The following GEMIN5 variants were observed in gnomAD, a reference collection of about 807,000 sequenced individuals.
GEMIN5 encodes the protein gem-associated protein 5.
Under a neutral mutation model 176.9 loss-of-function variants are expected in GEMIN5, and 124 were observed. The ratio of observed to expected loss-of-function variants is 0.70; its 90% CI spans 0.61 to 0.81. The LOEUF is 0.81. GEMIN5 is among the 40% of genes least tolerant of loss of function. GEMIN5 has a pLI of 0.00. For synonymous variants in GEMIN5, 673 were observed against 665.2 expected (o/e 1.01, Z -0.18); for missense variants, 1,843 against 1,814.6 (o/e 1.02, Z -0.28).
intron 20 of GEMIN5, 132 bp from the exon 21 acceptor site, chr5:154,901,618 G>T: frequency 1.5e-6 from 1 of 687,552 alleles, no homozygotes; most frequent in Non-Finnish European, 2.5e-6. Flanking sequence ...CAATTCAGCT[G>T]CCATTATGGA....
intron 15 of GEMIN5, among the ~76,000 whole-genome samples, chr5:154,910,750 G>A (rs1176455170): frequency 1.3e-5 from 2 of 152,210 alleles, no homozygotes; most frequent in African/African-American, 4.8e-5. Context: ...CCAGGCTGGA[G>A]TACAGTGGCG....
At chr5:154,928,860 C>G (rs532844742) in intron 5 of GEMIN5, among the ~76,000 whole-genome samples, 1 of 152,126 alleles carries the variant, frequency 6.6e-6, no homozygotes, top group Non-Finnish European at 1.5e-5. Flanking sequence ...CTGGTTAATA[C>G]TAGTCTAGCT....
At chr5:154,909,651 T>G (rs1280293031) in intron 15 of GEMIN5, among the ~76,000 whole-genome samples, 1 of 152,106 alleles carries the variant, frequency 6.6e-6, no homozygotes, top group Non-Finnish European at 1.5e-5. Flanking sequence ...AATCACTAAT[T>G]TGCTCTCACT....
At chr5:154,895,194 T>A (rs1252827374) in intron 24 of GEMIN5, among the ~76,000 whole-genome samples, 2 of 151,924 alleles carry the variant, frequency 1.3e-5, no homozygotes, top group Non-Finnish European at 2.9e-5. Flanking sequence ...TAATGTTCCC[T>A]CATTTTGAAA....
In GEMIN5 at chr5:154,917,158, A is replaced by G; in HGVS notation, c.1695T>C (p.Ile565=). The G allele has an allele frequency of 6.7e-7, 1 of 1,499,002 alleles. No homozygotes were observed. The highest frequency in any genetic ancestry group is 2.0e-5 in the Admixed American group (1 of 50,526). 92.9% of individuals were successfully genotyped at this position (1,499,002 alleles called of 1,614,324 possible). A position where few individuals can be genotyped will look rare whatever the true frequency, so the allele number is the denominator to read the frequency against. Residue 565 remains isoleucine (I), a synonymous_variant, in exon 13 of 28, where the codon ATT becomes ATC. Transcript: ENST00000285873. The stretch of plus-strand genomic sequence containing the variant: ...TAGTACAGATCAGTTTCAGGTTGGG[A>G]ATCTGAAATATTTCTATTGATCTGG... ...NEDGSIEIFQ[I]PNLKLICTIQ... is the part of the protein sequence containing the mutation.
chr5:154,923,483 T>C (rs544530170), intron 9 of GEMIN5, among the ~76,000 whole-genome samples: 1 of 152,372 alleles, frequency 6.6e-6, no homozygotes, highest in South Asian at 2.1e-4. Context: ...TATTTCAGGC[T>C]TTGTGAGCCA....
At position 154,917,968 on chromosome 5, in the gene GEMIN5, C is replaced by T. The variant is rs575270202; in HGVS notation, c.1636G>A (p.Ala546Thr). ...CCAAGAGCCATGATTTTGCCATCTGCTTTCCAACTTATCTCTGTGTGTACA... is the reference window on the plus strand; with the variant it reads ...CCAAGAGCCATGATTTTGCCATCTGTTTTCCAACTTATCTCTGTGTGTACA... The part of the protein sequence containing the change: ...LPVHTEISWK[A>T]DGKIMALGNE... The change falls in exon 12 of 28, where the codon GCA (alanine) becomes ACA (threonine). Residue 546 changes from alanine (A) to threonine (T), a missense_variant. Coordinates refer to ENST00000285873, the MANE Select transcript of GEMIN5 (RefSeq NM_015465.5). The T allele has an allele frequency of 1.5e-5, 24 of 1,612,800 alleles. No individual in the cohort carries two copies. In the Admixed American group the frequency reaches 3.0e-4, roughly 20 times the overall value.
intron 15 of GEMIN5, among the ~76,000 whole-genome samples, chr5:154,910,848 G>A (rs1763685731): frequency 6.6e-6 from 1 of 152,106 alleles, no homozygotes; most frequent in Non-Finnish European, 1.5e-5. Flanking sequence ...ACAGGCACCC[G>A]CCAACACGCC....
chr5:154,934,177 G>A (rs1440000817), intron 3 of GEMIN5, among the ~76,000 whole-genome samples: 2 of 151,970 alleles, frequency 1.3e-5, no homozygotes, highest in African/African-American at 2.4e-5. Flanking sequence ...CACCAAGTCT[G>A]GCTAATTTTT....
Position 154,888,151 on chromosome 5 carries a change from C to A in GEMIN5, c.*59G>T. On this transcript the variant is annotated 3_prime_UTR_variant, in exon 28 of 28. Coordinates refer to ENST00000285873, the MANE Select transcript of GEMIN5 (RefSeq NM_015465.5). Reference sequence around the variant, plus strand: ...GTGAATGTCTGGTGAGGCATAACTGCAGAGGTGAAAGATGTCAAACATTTT... The same window carrying A: ...GTGAATGTCTGGTGAGGCATAACTGAAGAGGTGAAAGATGTCAAACATTTT... The A allele has an allele frequency of 6.7e-7, 1 of 1,492,316 alleles. No individual in the cohort carries two copies. The highest frequency in any genetic ancestry group is 9.3e-7 in the Non-Finnish European group (1 of 1,070,012). 92.4% of individuals were successfully genotyped at this position (1,492,316 alleles called of 1,614,324 possible).
In GEMIN5 at chr5:154,899,324, C is replaced by A. The variant is rs1191988838; in HGVS notation, c.3015-14G>T. On this transcript the variant is annotated splice_polypyrimidine_tract_variant and intron_variant, in intron 21 of 27. Coordinates refer to ENST00000285873, the MANE Select transcript of GEMIN5 (RefSeq NM_015465.5). Reference sequence around the variant, plus strand: ...GCAATAGCTTCCCTAAAGGCAAGAACAGACCCTTTAGCCAATCTGAAAAGG... The same window carrying A: ...GCAATAGCTTCCCTAAAGGCAAGAAAAGACCCTTTAGCCAATCTGAAAAGG... 8.7e-6 allele frequency: 14 copies of A among 1,605,400 alleles called. No individual in the cohort carries two copies. Among genetic ancestry groups the A allele is most frequent in the Non-Finnish European group, 1.2e-5 (14 of 1,175,534 alleles).
intron 16 of GEMIN5, among the ~76,000 whole-genome samples, chr5:154,906,693 G>A (rs1330474278): frequency 1.3e-5 from 2 of 152,176 alleles, no homozygotes; most frequent in South Asian, 2.1e-4. Context: ...CTCTGTACCC[G>A]ACTAGAAAAG....
intron 2 of GEMIN5, among the ~76,000 whole-genome samples, chr5:154,936,639 G>T (rs915124260): frequency 1.3e-5 from 2 of 152,128 alleles, no homozygotes; most frequent in Admixed American, 1.3e-4. Flanking sequence ...TTTCATTCAC[G>T]CATTTACAGT....
At chr5:154,901,283 T>G in intron 21 of GEMIN5, 56 bp downstream of exon 21, 269 of 1,441,420 alleles carry the variant, frequency 1.9e-4, no homozygotes, top group Non-Finnish European at 1.9e-4. Flanking sequence ...ATAGAGAAGT[T>G]TAGGTTATTT....
At chr5:154,903,038 G>A in intron 19 of GEMIN5, 42 bp downstream of exon 19, 1 of 1,257,948 alleles carries the variant, frequency 7.9e-7, no homozygotes, top group Non-Finnish European at 1.2e-6. Flanking sequence ...TGTTGGGAAA[G>A]TATAAAGATG....
chr5:154,889,419 TA>T lies in GEMIN5; in HGVS notation c.4263-3del. ...AGTGGCTCATTTTTTTCTTCTTTAC[TA>T]GTGAAAAAAATAAAAGGTGTAAATT... is the stretch of plus-strand genomic sequence containing the variant. On this transcript the variant is annotated splice_polypyrimidine_tract_variant and splice_region_variant and intron_variant, in intron 26 of 27. Transcript: ENST00000285873. 6.4e-7 allele frequency: 1 copy of T among 1,570,414 alleles called. No homozygotes were observed. The highest frequency in any genetic ancestry group is 1.3e-5 in the African/African-American group (1 of 74,266).
intron 24 of GEMIN5, among the ~76,000 whole-genome samples, chr5:154,894,216 A>G (rs1763299303): frequency 6.6e-6 from 1 of 151,886 alleles, no homozygotes; most frequent in South Asian, 2.1e-4. Context: ...AAGTGCTGGG[A>G]TTACAGGTGT....
At chr5:154,897,446 G>A (rs1763373182) in intron 23 of GEMIN5, among the ~76,000 whole-genome samples, 1 of 152,076 alleles carries the variant, frequency 6.6e-6, no homozygotes, top group Admixed American at 6.6e-5. Flanking sequence ...TAATCAGATG[G>A]GAACAAAAAA....
At position 154,891,298 on chromosome 5, in the gene GEMIN5, T is replaced by C. The variant is rs201303618; in HGVS notation, c.4205A>G (p.Asp1402Gly). The C allele has an allele frequency of 1.7e-5, 27 of 1,614,088 alleles. No homozygotes were observed. The highest frequency in any genetic ancestry group is 2.2e-5 in the Non-Finnish European group (26 of 1,179,984). The change falls in exon 26 of 28, where the codon GAT becomes GGT. Residue 1402 changes from aspartate to glycine, a missense_variant. Physicochemically the swap from Asp to Gly is moderately conservative, Grantham distance 94 (BLOSUM62 -1). Coordinates refer to ENST00000285873, the MANE Select transcript of GEMIN5 (RefSeq NM_015465.5). Reference sequence around the variant, plus strand: ...TGCTTCTACTTCCGGTTCATTCTTATCAGGACCATTTGCTGTGGATTTACA... The same window carrying C: ...TGCTTCTACTTCCGGTTCATTCTTACCAGGACCATTTGCTGTGGATTTACA... ...QLCKSTANGP[D>G]KNEPEVEAEQ...
Sources: gnomAD v4.1 joint callset for allele counts (sites outside exome capture counted in the v4.1 genomes callset) on GRCh38, gnomAD v4.1.1 for gene constraint, MANE v1.5 for transcripts, NCBI Gene and HGNC (gene_info 2026-07-23, HGNC 2026-07-21) for gene names.